The following LSAMP variants were observed in gnomAD, a reference collection of about 807,000 sequenced individuals.
The protein encoded by LSAMP is limbic system associated membrane protein.
A neutral mutation model predicts 38.6 loss-of-function variants in LSAMP; 7 were observed. That is an observed-to-expected ratio of 0.18 (90% CI 0.10 to 0.34). The LOEUF (loss-of-function observed/expected upper bound fraction) is 0.34. Among genes scored for constraint, LSAMP ranks in the 10% least tolerant of loss-of-function variants. LSAMP has a pLI of 1.00. For synonymous variants in LSAMP, 154 were observed against 166.8 expected, an observed-to-expected ratio of 0.92 and a Z score of 0.59; for missense variants, 313 against 420.0, an observed-to-expected ratio of 0.75 and a Z score of 2.23.
At chr3:115,966,530 A>T (rs1043581521) in intron 3 of LSAMP, among the ~76,000 whole-genome samples, 2 of 152,234 alleles carry the variant, frequency 1.3e-5, no homozygotes, top group African/African-American at 4.8e-5. Flanking sequence ...TGCCTTAAGT[A>T]TATGCCTTGA....
chr3:115,950,442 C>T (rs770442769), intron 3 of LSAMP, among the ~76,000 whole-genome samples: 10 of 152,030 alleles, frequency 6.6e-5, no homozygotes, highest in African/African-American at 2.2e-4. Flanking sequence ...ACATCAACAA[C>T]GACCAAGCTG....
chr3:115,810,253 C>G lies in LSAMP; in HGVS notation c.*64G>C. ...TCTCTCTCTCTCTCTCTGTCTCTCTCTCTCTGTATTCTGTGTGACGCATTT... is the reference window on the plus strand; with the variant it reads ...TCTCTCTCTCTCTCTCTGTCTCTCTGTCTCTGTATTCTGTGTGACGCATTT... On this transcript the variant is annotated 3_prime_UTR_variant, in exon 7 of 7. Transcript: ENST00000490035. 1 of 1,143,722 alleles carries G rather than the reference C, an allele frequency of 8.7e-7. No homozygotes were observed. Among genetic ancestry groups the G allele is most frequent in the South Asian group, 1.4e-5 (1 of 70,624 alleles). The allele number at this position is 1,143,722 out of a possible 1,614,324, so 70.8% of individuals were successfully genotyped here.
At chr3:116,221,140 G>C (rs1364200146) in intron 1 of LSAMP, among the ~76,000 whole-genome samples, 1 of 45,828 alleles carries the variant, frequency 2.2e-5, no homozygotes, top group African/African-American at 8.2e-5. Flanking sequence ...GACAGAGCGA[G>C]ACTCTGTCTC....
At chr3:115,839,262 T>C (rs2944403) in intron 6 of LSAMP, among the ~76,000 whole-genome samples, 6,787 of 78,264 alleles carry the variant, frequency 0.087, 262 homozygotes, top group African/African-American at 0.15. Flanking sequence ...TCCTTCTTTC[T>C]TTCCTTCCTT....
intron 1 of LSAMP, among the ~76,000 whole-genome samples, chr3:116,098,360 G>T (rs561246805): frequency 1.3e-5 from 2 of 152,064 alleles, no homozygotes; most frequent in African/African-American, 2.4e-5. Context: ...TTAGCCGGGC[G>T]TGGTGGCGCA....
At chr3:116,113,538 G>A (rs937085299) in intron 1 of LSAMP, among the ~76,000 whole-genome samples, 16 of 142,268 alleles carry the variant, frequency 1.1e-4, no homozygotes, top group African/African-American at 4.2e-4. Context: ...CCATTCTCCT[G>A]CCTCAGCCTC....
intron 6 of LSAMP, among the ~76,000 whole-genome samples, chr3:115,839,061 T>C (rs1452083166): frequency 1.3e-5 from 2 of 152,192 alleles, no homozygotes; most frequent in Non-Finnish European, 2.9e-5. Flanking sequence ...CACAGACACC[T>C]GCCCCCAAGC....
chr3:116,181,709 C>G (rs1233425898), intron 1 of LSAMP, among the ~76,000 whole-genome samples: 1 of 151,946 alleles, frequency 6.6e-6, no homozygotes, highest in Non-Finnish European at 1.5e-5. Context: ...ATCACAATAT[C>G]CTAAGATAGA....
chr3:116,252,867 G>A (rs971330609), intron 1 of LSAMP, among the ~76,000 whole-genome samples: 2 of 152,156 alleles, frequency 1.3e-5, no homozygotes, highest in African/African-American at 4.8e-5. Context: ...CCATTGTCAA[G>A]GATTAGGGGC....
chr3:116,386,185 A>T (rs1449821827), intron 1 of LSAMP, among the ~76,000 whole-genome samples: 1 of 152,148 alleles, frequency 6.6e-6, no homozygotes. Context: ...TGCCAATAAC[A>T]CAATGGTTAA....
At chr3:116,045,560 A>G (rs867751634) in intron 2 of LSAMP, among the ~76,000 whole-genome samples, 4 of 151,354 alleles carry the variant, frequency 2.6e-5, no homozygotes, top group African/African-American at 7.3e-5. Flanking sequence ...AAAAAAAAAA[A>G]AAGCCTAAAA....
At chr3:115,968,310 A>G (rs1938893423) in intron 3 of LSAMP, among the ~76,000 whole-genome samples, 1 of 152,016 alleles carries the variant, frequency 6.6e-6, no homozygotes, top group Non-Finnish European at 1.5e-5. Flanking sequence ...TTACACCTGA[A>G]GTGAGCTCGC....
intron 3 of LSAMP, among the ~76,000 whole-genome samples, chr3:115,972,717 T>A (rs1279588464): frequency 1.3e-5 from 2 of 151,466 alleles, no homozygotes; most frequent in African/African-American, 4.8e-5. Context: ...AGCTACAAGT[T>A]ATGATACTGT....
At chr3:116,190,192 A>G (rs1710722984) in intron 1 of LSAMP, among the ~76,000 whole-genome samples, 1 of 151,754 alleles carries the variant, frequency 6.6e-6, no homozygotes, top group African/African-American at 2.4e-5. Flanking sequence ...CCCCACCTCC[A>G]TTCCAAATTC....
chr3:116,031,844 C>T (rs1007309495), intron 2 of LSAMP, among the ~76,000 whole-genome samples: 2 of 151,962 alleles, frequency 1.3e-5, no homozygotes, highest in Admixed American at 6.6e-5. Flanking sequence ...GTGGAACATA[C>T]ACATTATTTC....
intron 1 of LSAMP, among the ~76,000 whole-genome samples, chr3:116,256,739 T>C (rs1176682523): frequency 6.6e-6 from 1 of 152,154 alleles, no homozygotes; most frequent in Non-Finnish European, 1.5e-5. Context: ...CACCTCACTT[T>C]TCTATGAGTG....
In LSAMP at chr3:116,286,961, A is replaced by C. The variant is rs565801804; in HGVS notation, c.155+157916T>G. Among the ~76,000 whole-genome samples the C allele has an allele frequency of 3.3e-5, 5 of 151,160 alleles. No homozygotes were observed. In the South Asian group the frequency reaches 8.4e-4, roughly 25 times the overall value. ...AAGGACACTGCCATCACCAGCTGTG[A>C]CTCCCTCATCCCTTTCTATCTATAA... On this transcript the variant is annotated intron_variant, in intron 1 of 6. Coordinates refer to ENST00000490035, the MANE Select transcript of LSAMP (RefSeq NM_002338.5).
At chr3:115,913,173 T>C (rs1316962852) in intron 3 of LSAMP, among the ~76,000 whole-genome samples, 2 of 152,176 alleles carry the variant, frequency 1.3e-5, no homozygotes, top group Admixed American at 1.3e-4. Context: ...CGAAGACAGA[T>C]GCATCAATAA....
In LSAMP at chr3:115,958,943, T is replaced by C. The variant is rs557670450; in HGVS notation, c.514+60572A>G. Among the ~76,000 whole-genome samples, 18 of 152,180 alleles carry C rather than the reference T, an allele frequency of 1.2e-4. No individual in the cohort carries two copies. The South Asian group carries it at 3.7e-3, about 32-fold the overall frequency. On this transcript the variant is annotated intron_variant, in intron 3 of 6. Coordinates refer to ENST00000490035, the MANE Select transcript of LSAMP (RefSeq NM_002338.5). ...ACTGTAGGCCACCCATAGGCTATGG[T>C]AAAAAATAAATAAGGATCTTGCAGA...
Sources: allele counts gnomAD v4.1 joint callset (sites outside exome capture counted in the v4.1 genomes callset), GRCh38; gene constraint gnomAD v4.1.1; transcripts MANE v1.5; gene names NCBI Gene and HGNC (gene_info 2026-07-23, HGNC 2026-07-21).